LACTB: variants seen among roughly 807,000 people sequenced by gnomAD.
LACTB encodes lactamase beta.
LACTB carries 35 observed loss-of-function variants against 50.2 expected under a neutral mutation model. That is an observed-to-expected ratio of 0.70 (90% CI 0.53 to 0.92). The LOEUF (loss-of-function observed/expected upper bound fraction) is 0.92, where lower values mean the gene tolerates loss of function less well. Among genes scored for constraint, LACTB ranks in the 40% least tolerant of loss-of-function variants. The pLI is 0.00. For missense variants in LACTB, 664 were observed against 691.8 expected, an observed-to-expected ratio of 0.96 and a Z score of 0.45; for synonymous variants, 252 against 268.2, an observed-to-expected ratio of 0.94 and a Z score of 0.59.
intron 5 of LACTB, chr15:63,140,916 C>A: frequency 1.4e-6 from 1 of 695,494 alleles, no homozygotes; most frequent in Non-Finnish European, 1.8e-6. Flanking sequence ...ACCCCAAGGA[C>A]AAGGAATATC....
chr15:63,126,340 C>T (rs749388399), intron 2 of LACTB, among the ~76,000 whole-genome samples: 2 of 152,158 alleles, frequency 1.3e-5, no homozygotes, highest in African/African-American at 2.4e-5. Context: ...CGGGGTTTTA[C>T]CATGTTGGCC....
chr15:63,125,217 G>A (rs2037035420), intron 2 of LACTB, among the ~76,000 whole-genome samples: 1 of 149,910 alleles, frequency 6.7e-6, no homozygotes, highest in African/African-American at 2.4e-5. Context: ...GCCCAGGCTG[G>A]AGTGCAATAG....
intron 1 of LACTB, 112 bp from the exon 2 acceptor site, chr15:63,122,524 T>C (rs189796619): frequency 0.43 from 374,631 of 869,744 alleles, 87,420 homozygotes; most frequent in Non-Finnish European, 0.51. Flanking sequence ...GGGGCCCAGG[T>C]GGAGGGGGCG....
Position 63,129,657 on chromosome 15 carries a change from G to A in LACTB, c.1118+7G>A. On this transcript the variant is annotated splice_region_variant and intron_variant, in intron 5 of 5. Transcript: ENST00000261893. ...TGATTTACAATAGAGCAAGGTAAAT[G>A]AATACCTTCTGCTGTGTCTAGCTAT... 1 of 1,587,180 alleles carries A rather than the reference G, an allele frequency of 6.3e-7. No homozygotes were observed.
chr15:63,122,204 CCGCG>C lies in LACTB; in HGVS notation c.334_337del (p.Arg112ThrfsTer15). The C allele has an allele frequency of 1.9e-6, 3 of 1,550,004 alleles. No individual in the cohort carries two copies. Among genetic ancestry groups the C allele is most frequent in the South Asian group, 2.3e-5 (2 of 85,400 alleles). On this transcript the variant is annotated frameshift_variant, in exon 1 of 6. Transcript: ENST00000261893. LOFTEE classifies it high-confidence loss of function. ...GCTTCGCCAGAGCCATCGAGAGCAGCCGCGACCTGCTGCACAGGATCAAGGTGCG... is the reference window on the plus strand; with the variant it reads ...GCTTCGCCAGAGCCATCGAGAGCAGCACCTGCTGCACAGGATCAAGGTGCG...
intron 5 of LACTB, among the ~76,000 whole-genome samples, chr15:63,135,802 C>T (rs2037170784): frequency 6.6e-6 from 1 of 152,160 alleles, no homozygotes; most frequent in Non-Finnish European, 1.5e-5. Context: ...TATGACCTTA[C>T]TATGATTTAG....
intron 5 of LACTB, among the ~76,000 whole-genome samples, chr15:63,139,200 A>C (rs867283913): frequency 1.2e-4 from 18 of 149,268 alleles, no homozygotes; most frequent in East Asian, 3.9e-4. Context: ...AATCCAAAAA[A>C]AAAAAAAAAA....
chr15:63,140,465 C>T (rs2037217974), intron 5 of LACTB, among the ~76,000 whole-genome samples: 1 of 152,084 alleles, frequency 6.6e-6, no homozygotes, highest in South Asian at 2.1e-4. Flanking sequence ...ATACCTGTGG[C>T]CACTCATTTC....
At position 63,142,015 on chromosome 15, in the gene LACTB, T is replaced by A; in HGVS notation, c.*210T>A. On this transcript the variant is annotated 3_prime_UTR_variant, in exon 6 of 6. Coordinates refer to ENST00000261893, the MANE Select transcript of LACTB (RefSeq NM_032857.5). ...GGGAAGTAATTATATTGTTTTTACTTTTTGAAAAAAGTGTTAACTCTTGAA... is the reference window on the plus strand; with the variant it reads ...GGGAAGTAATTATATTGTTTTTACTATTTGAAAAAAGTGTTAACTCTTGAA... 4.2e-6 allele frequency: 2 copies of A among 478,664 alleles called. No homozygotes were observed. The highest frequency in any genetic ancestry group is 7.3e-6 in the Non-Finnish European group (2 of 272,658). 29.7% of individuals were successfully genotyped at this position (478,664 alleles called of 1,614,324 possible). A position where few individuals can be genotyped will look rare whatever the true frequency, so the allele number is the denominator to read the frequency against.
At chr15:63,141,142 A>T in intron 5 of LACTB, 138 bp from the exon 6 acceptor site, 1 of 1,430,360 alleles carries the variant, frequency 7.0e-7, no homozygotes, top group Non-Finnish European at 9.2e-7. Flanking sequence ...ACTGAAAATT[A>T]GTGGTTAGTT....
At position 63,129,552 on chromosome 15, in the gene LACTB, A is replaced by G. The variant is rs375926686; in HGVS notation, c.1020A>G (p.Gly340=). Residue 340 remains glycine (G), a synonymous_variant, in exon 5 of 6, where the codon GGA becomes GGG. Coordinates refer to ENST00000261893, the MANE Select transcript of LACTB (RefSeq NM_032857.5). ...CAGCCATAGTAGAGAGAGCTTCAGG[A>G]TGTAAATATTTGGACTATATGCAGA... ...LLAAIVERAS[G]CKYLDYMQKI... 5.6e-6 allele frequency: 9 copies of G among 1,613,536 alleles called. No homozygotes were observed. The African/African-American group carries it at 1.1e-4, about 19-fold the overall frequency.
rs763038053 is a variant in LACTB at position 63,127,482 on chromosome 15, G to A, written c.745G>A (p.Glu249Lys). 1 of 1,613,422 alleles carries A rather than the reference G, an allele frequency of 6.2e-7. No homozygotes were observed. Among genetic ancestry groups the A allele is most frequent in the Middle Eastern group, 1.7e-4 (1 of 6,058 alleles). ...GATGATGAAAGAGAATGTTGCATTT[G>A]AGCAAGAAAAAGAAGGCAAAAGTAA... ...LKMMKENVAF[E>K]QEKEGKSNEK... The change falls in exon 4 of 6, where the codon GAG becomes AAG. Residue 249 changes from glutamate to lysine, a missense_variant. Transcript: ENST00000261893.
At chr15:63,122,286 C>T (rs1368576070) in intron 1 of LACTB, 58 bp downstream of exon 1, 7 of 1,391,242 alleles carry the variant, frequency 5.0e-6, no homozygotes, top group Non-Finnish European at 6.7e-6. Context: ...GTCGGCGGTG[C>T]TGTCGGGGGC....
intron 1 of LACTB, 63 bp from the exon 2 acceptor site, chr15:63,122,573 G>T: frequency 3.8e-6 from 5 of 1,330,754 alleles, no homozygotes; most frequent in Non-Finnish European, 5.4e-6. Context: ...GAAGGTCCCC[G>T]AGGAGAGCGC....
chr15:63,122,546 CAGGGGGCGGGGCCTTGG>C, intron 1 of LACTB, 73 bp from the exon 2 acceptor site: 7 of 1,051,980 alleles, frequency 6.7e-6, no homozygotes, highest in Non-Finnish European at 1.0e-5. Flanking sequence ...GGCCCAGGCT[CAGGGGGCGGGGCCTTGG>C]AAGGTCCCCG....
At chr15:63,129,374 A>T in intron 4 of LACTB, 111 bp from the exon 5 acceptor site, 1 of 984,886 alleles carries the variant, frequency 1.0e-6, no homozygotes, top group South Asian at 2.3e-5. Context: ...ATGCTGAAGT[A>T]AAATATTCCA....
In LACTB at chr15:63,122,148, C is replaced by A. The variant is rs1320187078; in HGVS notation, c.277C>A (p.Pro93Thr). ...PQEQSLAPWS[P>T]QTPAPPCSRC... ...GGAGCAGTCCCTCGCCCCGTGGTCTCCGCAGACCCCGGCGCCGCCCTGCTC... is the reference window on the plus strand; with the variant it reads ...GGAGCAGTCCCTCGCCCCGTGGTCTACGCAGACCCCGGCGCCGCCCTGCTC... Residue 93 changes from proline (P) to threonine (T), a missense_variant, in exon 1 of 6, where the codon CCG (proline) becomes ACG (threonine). Transcript: ENST00000261893. 2.0e-6 allele frequency: 3 copies of A among 1,510,930 alleles called. No individual in the cohort carries two copies. Among genetic ancestry groups the A allele is most frequent in the Admixed American group, 2.1e-5 (1 of 47,564 alleles). The allele number at this position is 1,510,930 out of a possible 1,614,324, so 93.6% of individuals were successfully genotyped here. A position where few individuals can be genotyped will look rare whatever the true frequency, so the allele number is the denominator to read the frequency against.
chr15:63,122,524 T>TCA (rs1566988681), intron 1 of LACTB, 112 bp from the exon 2 acceptor site: 80 of 870,224 alleles, frequency 9.2e-5, no homozygotes, highest in Middle Eastern at 3.0e-4. Context: ...GGGGCCCAGG[T>TCA]GGAGGGGGCG....
Position 63,122,180 on chromosome 15 carries a change from C to T in LACTB, c.309C>T (p.Cys103=). ...PQTPAPPCSR[C]FARAIESSRD... is the part of the protein sequence containing the mutation. ...CCCCGGCGCCGCCCTGCTCCAGGTG[C>T]TTCGCCAGAGCCATCGAGAGCAGCC... is the stretch of plus-strand genomic sequence containing the variant. Residue 103 remains cysteine, a synonymous_variant, in exon 1 of 6, where the codon TGC becomes TGT. Transcript: ENST00000261893. 1 of 1,533,546 alleles carries T rather than the reference C, an allele frequency of 6.5e-7. No individual in the cohort carries two copies. The highest frequency in any genetic ancestry group is 8.7e-7 in the Non-Finnish European group (1 of 1,148,536). 95.0% of individuals were successfully genotyped at this position (1,533,546 alleles called of 1,614,324 possible).
Sources: allele counts gnomAD v4.1 joint callset (sites outside exome capture counted in the v4.1 genomes callset), GRCh38; gene constraint gnomAD v4.1.1; transcripts MANE v1.5; gene names NCBI Gene and HGNC (gene_info 2026-07-23, HGNC 2026-07-21).